MUC17: variants seen among roughly 807,000 people sequenced by gnomAD.
The protein encoded by MUC17 is mucin-17.
In MUC17, 190 loss-of-function variants were observed where a neutral mutation model predicts 170.3. That is an observed-to-expected ratio of 1.12 (90% CI 0.99 to 1.26). MUC17 has a LOEUF of 1.26. Ranked by LOEUF, MUC17 falls within the 50% of genes most tolerant of loss-of-function variation. MUC17 has a pLI of 0.00. For missense variants in MUC17, 6,415 were observed against 5,530.0 expected (o/e 1.16, Z -5.08); for synonymous variants, 2,325 against 2,002.5 (o/e 1.16, Z -4.30).
rs1794500952 is a variant in MUC17, at chr7:101,036,891, T to C, written c.5475T>C (p.Ala1825=). The C allele has an allele frequency of 1.2e-6, 2 of 1,613,110 alleles. No homozygotes were observed. Among genetic ancestry groups the C allele is most frequent in the Non-Finnish European group, 1.7e-6 (2 of 1,179,616 alleles). ...ACACGCTGGTGGCCAATTCTGAGGC[T>C]AGCACCCTTTCAACAACTCCTGTTG... ...VSHTLVANSE[A]STLSTTPVDS... is the part of the protein sequence containing the mutation. Residue 1825 remains alanine (A), a synonymous_variant, in exon 3 of 13, where the codon GCT becomes GCC. Coordinates refer to ENST00000306151, the MANE Select transcript of MUC17 (RefSeq NM_001040105.2).
At position 101,043,659 on chromosome 7, in the gene MUC17, C is replaced by A; in HGVS notation, c.12243C>A (p.Ser4081=). ...SSTPPTTSAS[S]TTVNPEAVTT... ...CACCTCCAACAACCTCTGCCTCCTC[C>A]ACGACTGTGAACCCTGAGGCTGTCA... The change falls in exon 3 of 13, where the codon TCC becomes TCA. Residue 4081 remains serine (S), a synonymous_variant. Transcript: ENST00000306151. 1.2e-6 allele frequency: 2 copies of A among 1,614,166 alleles called. No homozygotes were observed. The highest frequency in any genetic ancestry group is 1.7e-6 in the Non-Finnish European group (2 of 1,180,034).
chr7:101,029,605 T>A (rs1794241619), intron 1 of MUC17, among the ~76,000 whole-genome samples: 1 of 151,886 alleles, frequency 6.6e-6, no homozygotes, highest in Non-Finnish European at 1.5e-5. Context: ...ATTATTATTA[T>A]TATTATTTTT....
intron 1 of MUC17, among the ~76,000 whole-genome samples, chr7:101,026,552 G>A (rs1051609773): frequency 3.9e-5 from 6 of 152,178 alleles, no homozygotes; most frequent in African/African-American, 1.2e-4. Flanking sequence ...AGGGCCCAGA[G>A]CAAAATGGAC....
Position 101,040,135 on chromosome 7 carries a change from A to T in MUC17, c.8719A>T (p.Ser2907Cys). Residue 2907 changes from serine to cysteine, a missense_variant, in exon 3 of 13, where the codon AGT becomes TGT. Coordinates refer to ENST00000306151, the MANE Select transcript of MUC17 (RefSeq NM_001040105.2). ...ACCTGTCACCACTTCTACTGAAGGC[A>T]GTTCTTCTCCTACAACTGCTGAAGG... Reference protein sequence around the residue: ...SIPVTTSTEGSSSPTTAEGTS... With the variant: ...SIPVTTSTEGCSSPTTAEGTS... The T allele has an allele frequency of 3.1e-6, 5 of 1,612,634 alleles. No individual in the cohort carries two copies. The highest frequency in any genetic ancestry group is 3.4e-6 in the Non-Finnish European group (4 of 1,179,450).
Position 101,031,226 on chromosome 7 carries a change from G to A in MUC17, c.184+5G>A, listed in dbSNP as rs1021243270. ...TGTCTCAGCACGTTAGGACAGGTAA[G>A]GCAACAGACTCCAAGATCTATCTGG... is the stretch of plus-strand genomic sequence containing the variant. On this transcript the variant is annotated splice_donor_5th_base_variant and intron_variant, in intron 2 of 12. Transcript: ENST00000306151. 8 of 1,610,312 alleles carry A rather than the reference G, an allele frequency of 5.0e-6. No individual in the cohort carries two copies. In the African/African-American group the frequency reaches 1.1e-4, roughly 22 times the overall value.
At chr7:101,025,244 TCC>T (rs1459915879) in intron 1 of MUC17, among the ~76,000 whole-genome samples, 1 of 151,848 alleles carries the variant, frequency 6.6e-6, no homozygotes, top group Non-Finnish European at 1.5e-5. Context: ...GCGCCTGTGG[TCC>T]CAGCTACTTG....
intron 1 of MUC17, among the ~76,000 whole-genome samples, chr7:101,025,991 T>C (rs974066276): frequency 3.9e-5 from 6 of 152,128 alleles, no homozygotes; most frequent in African/African-American, 1.2e-4. Context: ...AAAGCAGTTA[T>C]GGAGGAGCCC....
At chr7:101,057,668 C>T (rs1190735510) in intron 12 of MUC17, among the ~76,000 whole-genome samples, 2 of 152,034 alleles carry the variant, frequency 1.3e-5, no homozygotes, top group South Asian at 2.1e-4. Context: ...TTGCTTGAGC[C>T]CAGGAGTTTG....
At position 101,033,906 on chromosome 7, in the gene MUC17, T is replaced by C; in HGVS notation, c.2490T>C (p.Pro830=). ...SPEASTLSTT[P]VDSNSPVTTS... The stretch of plus-strand genomic sequence containing the variant: ...AGGCTAGCACCCTTTCAACAACTCC[T>C]GTTGACTCCAACAGTCCTGTGACCA... Residue 830 remains proline (P), a synonymous_variant, in exon 3 of 13, where the codon CCT becomes CCC. Transcript: ENST00000306151. 2 of 1,613,674 alleles carry C rather than the reference T, an allele frequency of 1.2e-6. No homozygotes were observed. Among genetic ancestry groups the C allele is most frequent in the Non-Finnish European group, 1.7e-6 (2 of 1,179,746 alleles).
In MUC17 at chr7:101,037,213, G is replaced by C. The variant is rs1373371353; in HGVS notation, c.5797G>C (p.Val1933Leu). ...EGRPPLTSIP[V>L]STTTVASSEI... ...AAGGCCTCCATTAACAAGTATACCTGTCAGCACCACAACAGTGGCCAGTTC... is the reference window on the plus strand; with the variant it reads ...AAGGCCTCCATTAACAAGTATACCTCTCAGCACCACAACAGTGGCCAGTTC... The change falls in exon 3 of 13, where the codon GTC becomes CTC. Residue 1933 changes from valine to leucine, a missense_variant. Coordinates refer to ENST00000306151, the MANE Select transcript of MUC17 (RefSeq NM_001040105.2). The C allele has an allele frequency of 3.1e-6, 5 of 1,612,054 alleles. No individual in the cohort carries two copies. The highest frequency in any genetic ancestry group is 1.7e-5 in the Admixed American group (1 of 59,884).
In MUC17 at chr7:101,037,597, G is replaced by T; in HGVS notation, c.6181G>T (p.Gly2061Cys). 1 of 1,613,288 alleles carries T rather than the reference G, an allele frequency of 6.2e-7. No homozygotes were observed. Among genetic ancestry groups the T allele is most frequent in the South Asian group, 1.1e-5 (1 of 91,018 alleles). ...CACTACGCTTGTGGTCAGTTCTGAG[G>T]GTAACACCCTTTCAACAACTCCTGT... ...VSTTLVVSSEGNTLSTTPVDS... is the reference protein window; with the variant it reads ...VSTTLVVSSECNTLSTTPVDS... Residue 2061 changes from glycine (G) to cysteine (C), a missense_variant, in exon 3 of 13, where the codon GGT (glycine) becomes TGT (cysteine). By Grantham distance (159) the Gly-to-Cys change is radical. Transcript: ENST00000306151.
Position 101,043,010 on chromosome 7 carries a change from G to A in MUC17, c.11594G>A (p.Arg3865His), listed in dbSNP as rs747011297. Residue 3865 changes from arginine (R) to histidine (H), a missense_variant, in exon 3 of 13, where the codon CGT becomes CAT. Coordinates refer to ENST00000306151, the MANE Select transcript of MUC17 (RefSeq NM_001040105.2). ...ATACCTGCTGAAGTCACTACCATAC[G>A]TATTTCAATTACCAGTGAAAGAAGC... Reference protein sequence around the residue: ...FSIPAEVTTIRISITSERSTP... With the variant: ...FSIPAEVTTIHISITSERSTP... 42 of 1,613,776 alleles carry A rather than the reference G, an allele frequency of 2.6e-5. No individual in the cohort carries two copies. The Middle Eastern group carries it at 4.9e-4, about 19-fold the overall frequency.
In MUC17 at chr7:101,034,246, C is replaced by A; in HGVS notation, c.2830C>A (p.Leu944Ile). 6.2e-7 allele frequency: 1 copy of A among 1,602,246 alleles called. No individual in the cohort carries two copies. The highest frequency in any genetic ancestry group is 8.5e-7 in the Non-Finnish European group (1 of 1,174,062). ...GGTAGTCAGTTCTGAGGCTAGAACA[C>A]TTTCAGCAACTCCTGTTGACACCAG... Reference protein sequence around the residue: ...TPVVSSEARTLSATPVDTSTP... With the variant: ...TPVVSSEARTISATPVDTSTP... The change falls in exon 3 of 13, where the codon CTT becomes ATT. Residue 944 changes from leucine (L) to isoleucine (I), a missense_variant. Coordinates refer to ENST00000306151, the MANE Select transcript of MUC17 (RefSeq NM_001040105.2).
rs146702080 is a variant in MUC17, at chr7:101,036,146, G to A, written c.4730G>A (p.Ser1577Asn). The A allele has an allele frequency of 1.1e-5, 18 of 1,613,174 alleles. No individual in the cohort carries two copies. Among genetic ancestry groups the A allele is most frequent in the Admixed American group, 8.3e-5 (5 of 59,952 alleles). The change falls in exon 3 of 13, where the codon AGT (serine) becomes AAT (asparagine). Residue 1577 changes from serine (S) to asparagine (N), a missense_variant. By Grantham distance (46) the Ser-to-Asn change is conservative. Transcript: ENST00000306151. Reference sequence around the variant, plus strand: ...AGTGAAGGAAGCACTCCACTAACAAGTTTGCCTGTCAGCACCATGCTGGTG... The same window carrying A: ...AGTGAAGGAAGCACTCCACTAACAAATTTGCCTGTCAGCACCATGCTGGTG... ...TYSEGSTPLTSLPVSTMLVVS... is the reference protein window; with the variant it reads ...TYSEGSTPLTNLPVSTMLVVS...
At position 101,035,666 on chromosome 7, in the gene MUC17, C is replaced by G; in HGVS notation, c.4250C>G (p.Ser1417Ter). 1 of 1,608,846 alleles carries G rather than the reference C, an allele frequency of 6.2e-7. No individual in the cohort carries two copies. The highest frequency in any genetic ancestry group is 8.5e-7 in the Non-Finnish European group (1 of 1,176,940). Residue 1417 changes from serine to a stop codon, truncating the protein, a stop_gained, in exon 3 of 13, where the codon TCA becomes TGA. Coordinates refer to ENST00000306151, the MANE Select transcript of MUC17 (RefSeq NM_001040105.2). LOFTEE classifies it high-confidence loss of function. ...GTCAGTTCTGAGGCTAGCACCCTTT[C>G]AGCAACTCCTGTTGACACCAGCACC... ...PVVSSEASTL[S>*]ATPVDTSTPG...
At chr7:101,052,560 G>T (rs1354820210) in intron 9 of MUC17, among the ~76,000 whole-genome samples, 2 of 152,174 alleles carry the variant, frequency 1.3e-5, no homozygotes, top group African/African-American at 4.8e-5. Flanking sequence ...TCTCAAGGCA[G>T]CAGGGAAGAA....
At position 101,032,542 on chromosome 7, in the gene MUC17, A is replaced by G; in HGVS notation, c.1126A>G (p.Thr376Ala). The G allele has an allele frequency of 6.2e-7, 1 of 1,614,078 alleles. No homozygotes were observed. Among genetic ancestry groups the G allele is most frequent in the Non-Finnish European group, 8.5e-7 (1 of 1,179,994 alleles). ...TTCTACTGAACCCAGTTCACTTCCT[A>G]CAACTGCTGAAGCTACCAGCATGCT... ...TTSTEPSSLPTTAEATSMLTS... is the reference protein window; with the variant it reads ...TTSTEPSSLPATAEATSMLTS... The change falls in exon 3 of 13, where the codon ACA becomes GCA. Residue 376 changes from threonine to alanine, a missense_variant. By Grantham distance (58) the Thr-to-Ala change is moderately conservative. Coordinates refer to ENST00000306151, the MANE Select transcript of MUC17 (RefSeq NM_001040105.2).
Position 101,033,194 on chromosome 7 carries a change from C to A in MUC17, c.1778C>A (p.Thr593Asn). ...VSSEASTTSTTPADSNTFVTT... is the reference protein window; with the variant it reads ...VSSEASTTSTNPADSNTFVTT... ...TCTGAGGCTAGCACCACTTCAACAA[C>A]TCCTGCTGACTCCAACACTTTTGTG... Residue 593 changes from threonine to asparagine, a missense_variant, in exon 3 of 13, where the codon ACT becomes AAT. Coordinates refer to ENST00000306151, the MANE Select transcript of MUC17 (RefSeq NM_001040105.2). 1 of 1,614,080 alleles carries A rather than the reference C, an allele frequency of 6.2e-7. No individual in the cohort carries two copies. Among genetic ancestry groups the A allele is most frequent in the Non-Finnish European group, 8.5e-7 (1 of 1,179,990 alleles).
Position 101,031,798 on chromosome 7 carries a change from CT to C in MUC17, c.386del (p.Phe129SerfsTer50), listed in dbSNP as rs1794284929. On this transcript the variant is annotated frameshift_variant, in exon 3 of 13. Coordinates refer to ENST00000306151, the MANE Select transcript of MUC17 (RefSeq NM_001040105.2). LOFTEE classifies it high-confidence loss of function. Reference protein sequence around the residue: ...TSESTSDSTTLFPSSTEDTSS... With the variant: ...TSESTSDSTTXFPSSTEDTSS... ...AGAATCTACCAGTGACAGCACCACA[CT>C]TTTCCCCAGTTCTACTGAAGACACT... 6.2e-7 allele frequency: 1 copy of C among 1,610,360 alleles called. No homozygotes were observed. Among genetic ancestry groups the C allele is most frequent in the South Asian group, 1.1e-5 (1 of 91,000 alleles).
Sources: allele counts gnomAD v4.1 joint callset (sites outside exome capture counted in the v4.1 genomes callset), GRCh38; gene constraint gnomAD v4.1.1; transcripts MANE v1.5; gene names NCBI Gene and HGNC (gene_info 2026-07-23, HGNC 2026-07-21).